Variants in GARRE1 observed in about 807,000 individuals in gnomAD.
GARRE1 encodes the protein granule associated Rac and RHOG effector 1.
Under a neutral mutation model 103.2 loss-of-function variants are expected in GARRE1, and 49 were observed. That is an observed-to-expected ratio of 0.47 (90% CI 0.38 to 0.60). GARRE1 has a LOEUF of 0.60. Ranked by LOEUF, GARRE1 falls within the 20% of genes least tolerant of loss-of-function variation. GARRE1 has a pLI of 0.00. For synonymous variants in GARRE1, 505 were observed against 532.8 expected (o/e 0.95, Z 0.72); for missense variants, 1,199 against 1,370.5 (o/e 0.87, Z 1.98).
intron 1 of GARRE1, among the ~76,000 whole-genome samples, chr19:34,288,993 A>C (rs1199581212): frequency 6.6e-6 from 1 of 151,202 alleles, no homozygotes; most frequent in South Asian, 2.1e-4. Context: ...TTGGCTGGGC[A>C]TGGTGGTGTG....
chr19:34,296,609 G>A, intron 1 of GARRE1: 1 of 1,434,980 alleles, frequency 7.0e-7, no homozygotes, highest in Non-Finnish European at 9.7e-7. Context: ...TCTTGGCAAA[G>A]TGCATGTTCC....
intron 2 of GARRE1, among the ~76,000 whole-genome samples, chr19:34,308,750 AG>A (rs1428764811): frequency 1.3e-5 from 2 of 152,234 alleles, no homozygotes; most frequent in Non-Finnish European, 2.9e-5. Flanking sequence ...AAAGGAGAAA[AG>A]TAAGGAAATA....
At chr19:34,305,075 A>G (rs577273598) in intron 2 of GARRE1, among the ~76,000 whole-genome samples, 20 of 152,210 alleles carry the variant, frequency 1.3e-4, no homozygotes, top group Non-Finnish European at 2.5e-4. Flanking sequence ...TACAGGCGTG[A>G]GCCACCGTGC....
chr19:34,274,839 CAGAT>C (rs1197123263), intron 1 of GARRE1, among the ~76,000 whole-genome samples: 2 of 152,118 alleles, frequency 1.3e-5, no homozygotes, highest in East Asian at 1.9e-4. Flanking sequence ...AATGTGGTAA[CAGAT>C]AGAGGGAGCT....
At chr19:34,336,679 AG>A (rs1473602163) in intron 8 of GARRE1, among the ~76,000 whole-genome samples, 2 of 152,074 alleles carry the variant, frequency 1.3e-5, no homozygotes, top group African/African-American at 4.8e-5. Flanking sequence ...TATGTTGGCC[AG>A]GCTGGTCTCA....
chr19:34,289,502 G>A (rs1403585399), intron 1 of GARRE1, among the ~76,000 whole-genome samples: 4 of 151,746 alleles, frequency 2.6e-5, no homozygotes, highest in South Asian at 2.1e-4. Context: ...CGAGGTGGGC[G>A]GATCACAAGG....
chr19:34,257,341 ACT>A (rs1213090565), intron 1 of GARRE1, among the ~76,000 whole-genome samples: 3 of 151,514 alleles, frequency 2.0e-5, no homozygotes, highest in African/African-American at 4.9e-5. Context: ...TTGGGTGTCC[ACT>A]CTCTTTTTTT....
intron 1 of GARRE1, among the ~76,000 whole-genome samples, chr19:34,272,028 A>G (rs1183756858): frequency 1.3e-5 from 2 of 152,126 alleles, no homozygotes; most frequent in Non-Finnish European, 2.9e-5. Context: ...AATAGGTAAC[A>G]TTTATGGAGC....
intron 1 of GARRE1, among the ~76,000 whole-genome samples, chr19:34,262,582 C>T (rs561883939): frequency 6.6e-6 from 1 of 152,152 alleles, no homozygotes; most frequent in East Asian, 1.9e-4. Context: ...AGGCGTGAGT[C>T]ACCTCGCCTG....
In GARRE1 at chr19:34,254,575, C is replaced by A; in HGVS notation, c.-835C>A. The A allele has an allele frequency of 6.6e-6, 1 of 150,516 alleles. No homozygotes were observed. The highest frequency in any genetic ancestry group is 1.9e-4 in the South Asian group (1 of 5,376). The allele number at this position is 150,516 out of a possible 1,614,324, so 9.3% of individuals were successfully genotyped here. A position where few individuals can be genotyped will look rare whatever the true frequency, so the allele number is the denominator to read the frequency against. On this transcript the variant is annotated 5_prime_UTR_variant, in exon 1 of 14. Coordinates refer to ENST00000299505, the MANE Select transcript of GARRE1 (RefSeq NM_014686.5). ...AGACGTAACTTCCGGTGTACACAGC[C>A]GGTCCAAGGCGGTGCGCTGGGGGCC...
intron 2 of GARRE1, among the ~76,000 whole-genome samples, chr19:34,315,006 G>T (rs2074053696): frequency 6.6e-6 from 1 of 152,250 alleles, no homozygotes; most frequent in Middle Eastern, 3.4e-3. Context: ...AACATTTAAG[G>T]TATAAATGAG....
At chr19:34,296,867 C>A (rs1202496176) in intron 1 of GARRE1, among the ~76,000 whole-genome samples, 3 of 152,100 alleles carry the variant, frequency 2.0e-5, no homozygotes, top group Non-Finnish European at 4.4e-5. Flanking sequence ...TGCTCTTAGA[C>A]TCCTGGGCTC....
chr19:34,337,584 G>A (rs773712005), intron 8 of GARRE1, among the ~76,000 whole-genome samples: 9 of 152,142 alleles, frequency 5.9e-5, no homozygotes, highest in Non-Finnish European at 1.3e-4. Context: ...ATGAGGATGG[G>A]AAGTTGTAGA....
chr19:34,301,513 C>CAA (rs57777660), intron 2 of GARRE1, among the ~76,000 whole-genome samples: 47 of 85,346 alleles, frequency 5.5e-4, no homozygotes, highest in East Asian at 4.7e-3. Flanking sequence ...GACCATGTCT[C>CAA]AAAAAAAAAA....
chr19:34,348,803 A>G (rs1599784614), intron 11 of GARRE1: 2 of 572,506 alleles, frequency 3.5e-6, no homozygotes, highest in East Asian at 6.0e-5. Context: ...TATACAAACC[A>G]TAGGCTTCTT....
chr19:34,317,293 C>T (rs1456767656), intron 2 of GARRE1, among the ~76,000 whole-genome samples: 1 of 152,232 alleles, frequency 6.6e-6, no homozygotes, highest in Non-Finnish European at 1.5e-5. Flanking sequence ...AGTAGTGTTC[C>T]CAGCTCTTTG....
At chr19:34,284,326 T>C (rs2073873991) in intron 1 of GARRE1, among the ~76,000 whole-genome samples, 1 of 152,012 alleles carries the variant, frequency 6.6e-6, no homozygotes, top group Non-Finnish European at 1.5e-5. Flanking sequence ...GGTTTCACTG[T>C]GTTGGCCAGA....
At chr19:34,351,388 A>G in intron 12 of GARRE1, 126 bp from the exon 13 acceptor site, 2 of 724,130 alleles carry the variant, frequency 2.8e-6, no homozygotes, top group South Asian at 3.1e-5. Context: ...CCATTGACCC[A>G]GGCAGGCCTC....
At chr19:34,321,480 G>C (rs1348091863) in intron 3 of GARRE1, among the ~76,000 whole-genome samples, 4 of 148,778 alleles carry the variant, frequency 2.7e-5, no homozygotes, top group Non-Finnish European at 6.0e-5. Flanking sequence ...TTTGAGACGG[G>C]GTCTCACTCT....
Sources: gnomAD v4.1 joint callset for allele counts (sites outside exome capture counted in the v4.1 genomes callset) on GRCh38, gnomAD v4.1.1 for gene constraint, MANE v1.5 for transcripts, NCBI Gene and HGNC (gene_info 2026-07-23, HGNC 2026-07-21) for gene names.